Variants in CDC45 observed in about 807,000 individuals in gnomAD.
CDC45 encodes cell division cycle 45.
CDC45 carries 54 observed loss-of-function variants against 77.8 expected under a neutral mutation model. The observed-to-expected ratio is 0.69, with a 90% CI of 0.56 to 0.87. The LOEUF (loss-of-function observed/expected upper bound fraction) is 0.87. Among genes scored for constraint, CDC45 ranks in the 40% least tolerant of loss-of-function variants. CDC45 has a pLI of 0.00. For synonymous variants in CDC45, 260 were observed against 272.1 expected, an observed-to-expected ratio of 0.96 and a Z score of 0.44; for missense variants, 649 against 721.6, an observed-to-expected ratio of 0.90 and a Z score of 1.15.
chr22:19,518,344 C>T (rs2146451700), intron 17 of CDC45, among the ~76,000 whole-genome samples: 1 of 152,270 alleles, frequency 6.6e-6, no homozygotes, highest in African/African-American at 2.4e-5. Context: ...CATCCTGGGG[C>T]CTGGTTTTGC....
intron 5 of CDC45, among the ~76,000 whole-genome samples, chr22:19,493,882 T>C (rs2146365299): frequency 6.6e-6 from 1 of 152,324 alleles, no homozygotes; most frequent in African/African-American, 2.4e-5. Context: ...TCCAGGCCTT[T>C]GTTGTGAAGA....
chr22:19,499,097 C>G lies in CDC45; in HGVS notation c.654-4C>G. 6.2e-7 allele frequency: 1 copy of G among 1,614,138 alleles called. No homozygotes were observed. Among genetic ancestry groups the G allele is most frequent in the Non-Finnish European group, 8.5e-7 (1 of 1,179,968 alleles). ...GCCGGCTCCACTGCCTTCTCTTCTT[C>G]CAGGTGGGCCATCGTTGGACTAACA... On this transcript the variant is annotated splice_region_variant and splice_polypyrimidine_tract_variant and intron_variant, in intron 8 of 18. Transcript: ENST00000263201.
At chr22:19,519,554 C>A (rs565850529) in intron 18 of CDC45, among the ~76,000 whole-genome samples, 2 of 152,348 alleles carry the variant, frequency 1.3e-5, no homozygotes, top group Non-Finnish European at 2.9e-5. Flanking sequence ...AGCCCAGGTT[C>A]CCCACAGGGA....
chr22:19,514,785 C>T lies in CDC45; in HGVS notation c.1254C>T (p.Leu418=), dbSNP rs751496234. 27 of 1,613,576 alleles carry T rather than the reference C, an allele frequency of 1.7e-5. No homozygotes were observed. Among genetic ancestry groups the T allele is most frequent in the South Asian group, 1.4e-4 (13 of 91,000 alleles). The change falls in exon 14 of 19, where the codon CTC becomes CTT. Residue 418 remains leucine, a synonymous_variant. Coordinates refer to ENST00000263201, the MANE Select transcript of CDC45 (RefSeq NM_003504.5). ...NLDKLYHGLE[L]AKKQLRATQQ... ...ACAAGCTGTACCATGGCCTGGAACT[C>T]GCCAAGAAGCAGCTGCGAGCCACCC...
intron 13 of CDC45, among the ~76,000 whole-genome samples, chr22:19,509,431 T>C (rs1360457720): frequency 1.3e-5 from 2 of 152,240 alleles, no homozygotes; most frequent in Non-Finnish European, 2.9e-5. Flanking sequence ...GAGCATCTTA[T>C]CTGAATTGTT....
intron 5 of CDC45, among the ~76,000 whole-genome samples, chr22:19,491,251 A>G (rs927632538): frequency 6.6e-6 from 1 of 152,218 alleles, no homozygotes; most frequent in African/African-American, 2.4e-5. Flanking sequence ...ACTCAAGAGG[A>G]TAAGTAAGGA....
intron 6 of CDC45, among the ~76,000 whole-genome samples, chr22:19,494,830 G>A (rs1418573200): frequency 6.6e-6 from 1 of 152,198 alleles, no homozygotes; most frequent in African/African-American, 2.4e-5. Context: ...TCCAGCTGAT[G>A]TTCCCCCTGT....
chr22:19,479,917 G>A (rs570684206), upstream of CDC45: 6 of 1,604,162 alleles, frequency 3.7e-6, no homozygotes, highest in East Asian at 2.2e-5. Flanking sequence ...CTTGACCGCC[G>A]CCGGGCTCTT....
At chr22:19,512,415 T>C (rs764882988) in intron 13 of CDC45, among the ~76,000 whole-genome samples, 9 of 152,198 alleles carry the variant, frequency 5.9e-5, no homozygotes, top group Non-Finnish European at 1.3e-4. Context: ...ATGGTCTCTT[T>C]TTACCTGCTT....
chr22:19,497,297 C>A (rs2146376713), intron 7 of CDC45, 89 bp from the exon 8 acceptor site: 3 of 1,201,836 alleles, frequency 2.5e-6, no homozygotes, highest in South Asian at 1.2e-5. Context: ...TTTGCCAGGG[C>A]CCTTCTGGCT....
intron 6 of CDC45, chr22:19,494,713 A>C: frequency 1.2e-6 from 1 of 844,526 alleles, no homozygotes; most frequent in South Asian, 1.5e-5. Context: ...CTAAAATGAA[A>C]ATATTGGAAA....
intron 13 of CDC45, among the ~76,000 whole-genome samples, chr22:19,513,219 G>A (rs1280462991): frequency 1.3e-5 from 2 of 152,200 alleles, no homozygotes; most frequent in Admixed American, 6.5e-5. Flanking sequence ...TTGCTCTTCA[G>A]TGCTGCTCAG....
intron 5 of CDC45, among the ~76,000 whole-genome samples, chr22:19,485,677 A>G (rs756106795): frequency 8.5e-5 from 13 of 152,244 alleles, no homozygotes; most frequent in Non-Finnish European, 1.8e-4. Context: ...GTTTAACATA[A>G]TATTCATGGA....
rs770914255 is a variant in CDC45 at position 19,514,957 on chromosome 22, C to T, written c.1357-8C>T. On this transcript the variant is annotated splice_region_variant and splice_polypyrimidine_tract_variant and intron_variant, in intron 14 of 18. Coordinates refer to ENST00000263201, the MANE Select transcript of CDC45 (RefSeq NM_003504.5). ...GGCTTCGTCTGACCATCTGTCTCGC[C>T]TCCGCAGGGCACTCCAGATGTCATG... is the stretch of plus-strand genomic sequence containing the variant. The T allele has an allele frequency of 1.2e-6, 2 of 1,614,216 alleles. No homozygotes were observed.
Position 19,507,381 on chromosome 22 carries a change from C to G in CDC45, c.825-5C>G. 1 of 1,613,562 alleles carries G rather than the reference C, an allele frequency of 6.2e-7. No homozygotes were observed. Among genetic ancestry groups the G allele is most frequent in the Non-Finnish European group, 8.5e-7 (1 of 1,179,848 alleles). ...TGCTTGCATGCTCCTTGACTGCAGG[C>G]CCAGCCTCCGCCTGGTGCTCTACCA... On this transcript the variant is annotated splice_region_variant and splice_polypyrimidine_tract_variant and intron_variant, in intron 10 of 18. Coordinates refer to ENST00000263201, the MANE Select transcript of CDC45 (RefSeq NM_003504.5).
Position 19,513,935 on chromosome 22 carries a change from G to A in CDC45, c.1218-814G>A, listed in dbSNP as rs183680550. On this transcript the variant is annotated intron_variant, in intron 13 of 18. Transcript: ENST00000263201. ...GTTGAGGAAGTTTTTCTTGACTCCA[G>A]ACTTGGAGTGGATGTTTTATCTTTT... Among the ~76,000 whole-genome samples the A allele has an allele frequency of 2.0e-5, 3 of 152,270 alleles. No individual in the cohort carries two copies. The East Asian group carries it at 5.8e-4, about 29-fold the overall frequency.
Position 19,481,050 on chromosome 22 carries a change from T to C in CDC45, c.204+5T>C. ...TTTCTTGAGCATAAAGAACAGGTATTGAAGATGCGTTTTAGAATAACGTGG... is the reference window on the plus strand; with the variant it reads ...TTTCTTGAGCATAAAGAACAGGTATCGAAGATGCGTTTTAGAATAACGTGG... On this transcript the variant is annotated splice_donor_5th_base_variant and intron_variant, in intron 3 of 18. Coordinates refer to ENST00000263201, the MANE Select transcript of CDC45 (RefSeq NM_003504.5). The C allele has an allele frequency of 1.3e-6, 2 of 1,591,202 alleles. No individual in the cohort carries two copies. Among genetic ancestry groups the C allele is most frequent in the South Asian group, 2.2e-5 (2 of 89,876 alleles).
chr22:19,493,068 G>A (rs1357230291), intron 5 of CDC45, among the ~76,000 whole-genome samples: 2 of 151,976 alleles, frequency 1.3e-5, no homozygotes, highest in African/African-American at 2.4e-5. Context: ...CTACAGCTTC[G>A]CAAGGATGGG....
chr22:19,480,994 A>G lies in CDC45; in HGVS notation c.153A>G (p.Pro51=), dbSNP rs148932713. Residue 51 remains proline (P), a synonymous_variant, in exon 3 of 19, where the codon CCA becomes CCG. Transcript: ENST00000263201. ...ACCACGTGCAATATACGCTGGTTCC[A>G]GTTTCTGGGTGGCAAGAACTTGAAA... ...QCDHVQYTLV[P]VSGWQELETA... is the part of the protein sequence containing the mutation. 6.3e-5 allele frequency: 101 copies of G among 1,613,652 alleles called. 1 individual carries two copies. The African/African-American group carries it at 1.3e-3, about 20-fold the overall frequency.
Sources: allele counts gnomAD v4.1 joint callset (sites outside exome capture counted in the v4.1 genomes callset), GRCh38; gene constraint gnomAD v4.1.1; transcripts MANE v1.5; gene names NCBI Gene and HGNC (gene_info 2026-07-23, HGNC 2026-07-21).